The following MACROD2 variants were observed in gnomAD, a reference collection of about 807,000 sequenced individuals.
The protein encoded by MACROD2 is mono-ADP ribosylhydrolase 2, also known as ADP-ribose glycohydrolase MACROD2.
In MACROD2, 36 loss-of-function variants were observed where a neutral mutation model predicts 70.4. That is an observed-to-expected ratio of 0.51 (90% CI 0.39 to 0.68). The LOEUF (loss-of-function observed/expected upper bound fraction) is 0.68. Among genes scored for constraint, MACROD2 ranks in the 30% least tolerant of loss-of-function variants. MACROD2 has a pLI of 0.00. For missense variants in MACROD2, 496 were observed against 538.4 expected, an observed-to-expected ratio of 0.92 and a Z score of 0.78; for synonymous variants, 172 against 178.8, an observed-to-expected ratio of 0.96 and a Z score of 0.30.
chr20:14,274,447 C>T (rs542224785), intron 3 of MACROD2, among the ~76,000 whole-genome samples: 5 of 152,180 alleles, frequency 3.3e-5, no homozygotes, highest in East Asian at 1.9e-4. Context: ...ATTCAACAAC[C>T]CTTCATGCTA....
intron 6 of MACROD2, among the ~76,000 whole-genome samples, chr20:15,387,628 T>C (rs1451002769): frequency 6.6e-6 from 1 of 151,940 alleles, no homozygotes; most frequent in Admixed American, 6.6e-5. Flanking sequence ...CACCAGGTCC[T>C]GGAGTTACAA....
chr20:15,657,629 T>C (rs1478799880), intron 8 of MACROD2, among the ~76,000 whole-genome samples: 1 of 152,204 alleles, frequency 6.6e-6, no homozygotes, highest in Admixed American at 6.5e-5. Context: ...TTAAATGGGC[T>C]ACAGAAAAAT....
chr20:14,135,424 T>C (rs1033313827), intron 3 of MACROD2, among the ~76,000 whole-genome samples: 2 of 152,188 alleles, frequency 1.3e-5, no homozygotes, highest in Non-Finnish European at 2.9e-5. Flanking sequence ...TCACAGTGCT[T>C]TGGAAGATTC....
chr20:14,832,644 C>A (rs995454656), intron 5 of MACROD2, among the ~76,000 whole-genome samples: 2 of 152,144 alleles, frequency 1.3e-5, no homozygotes, highest in South Asian at 2.1e-4. Flanking sequence ...TAAATACATA[C>A]AATTTAATTG....
intron 4 of MACROD2, among the ~76,000 whole-genome samples, chr20:14,649,428 G>A (rs566289594): frequency 7.2e-4 from 110 of 152,262 alleles, no homozygotes; most frequent in African/African-American, 2.6e-3. Context: ...GAGCATCTCC[G>A]TTGCTTATAG....
At chr20:14,378,707 T>C (rs2083395555) in intron 3 of MACROD2, among the ~76,000 whole-genome samples, 1 of 151,174 alleles carries the variant, frequency 6.6e-6, no homozygotes, top group African/African-American at 2.4e-5. Flanking sequence ...TGAAGGAGTT[T>C]GTGGTGGTTT....
chr20:14,454,814 G>T (rs2084282632), intron 3 of MACROD2, among the ~76,000 whole-genome samples: 1 of 141,174 alleles, frequency 7.1e-6, no homozygotes. Context: ...GTGCAGTGGT[G>T]AGATCTCTGC....
chr20:14,555,126 G>T (rs1309619695), intron 4 of MACROD2, among the ~76,000 whole-genome samples: 3 of 151,942 alleles, frequency 2.0e-5, no homozygotes, highest in African/African-American at 4.8e-5. Flanking sequence ...TTGGGTTAGG[G>T]TTTGTAACAC....
At chr20:15,962,972 G>T (rs775635056) in intron 12 of MACROD2, among the ~76,000 whole-genome samples, 1 of 152,158 alleles carries the variant, frequency 6.6e-6, no homozygotes, top group Non-Finnish European at 1.5e-5. Context: ...AAGAGTAGCC[G>T]CTGCAAAGTT....
At chr20:14,172,974 A>G (rs938243988) in intron 3 of MACROD2, among the ~76,000 whole-genome samples, 4 of 152,178 alleles carry the variant, frequency 2.6e-5, no homozygotes, top group South Asian at 2.1e-4. Flanking sequence ...TAGGACCCCA[A>G]TCACTTCTAG....
At chr20:14,853,154 A>C (rs396868) in intron 5 of MACROD2, among the ~76,000 whole-genome samples, 86,679 of 149,468 alleles carry the variant, frequency 0.58, 26,055 homozygotes, top group Non-Finnish European at 0.68. Context: ...TGAGGTGTGA[A>C]CAGTGTGTGT....
At chr20:15,177,858 TA>T (rs2076473601) in intron 5 of MACROD2, among the ~76,000 whole-genome samples, 1 of 152,092 alleles carries the variant, frequency 6.6e-6, no homozygotes, top group Non-Finnish European at 1.5e-5. Flanking sequence ...TTTAAGAGTA[TA>T]GAAATTAAAG....
At chr20:15,216,799 G>C (rs2076814487) in intron 5 of MACROD2, among the ~76,000 whole-genome samples, 3 of 152,080 alleles carry the variant, frequency 2.0e-5, no homozygotes, top group Admixed American at 2.0e-4. Flanking sequence ...CCGTGAAACT[G>C]CTCCTCACAT....
At chr20:15,883,056 A>C (rs1160200768) in intron 9 of MACROD2, among the ~76,000 whole-genome samples, 1 of 151,638 alleles carries the variant, frequency 6.6e-6, no homozygotes, top group African/African-American at 2.4e-5. Flanking sequence ...CAAACAAAAC[A>C]AAAAAAACTG....
chr20:15,107,938 C>A (rs78526672), intron 5 of MACROD2, among the ~76,000 whole-genome samples: 2 of 150,726 alleles, frequency 1.3e-5, no homozygotes, highest in Non-Finnish European at 2.9e-5. Context: ...TCAGAAACAG[C>A]GGTGAGTTAA....
chr20:15,937,338 G>A, intron 11 of MACROD2, 138 bp from the exon 12 acceptor site: 2 of 704,226 alleles, frequency 2.8e-6, no homozygotes, highest in East Asian at 5.3e-5. Flanking sequence ...CCCCTTCAAA[G>A]AGCATTCAGT....
intron 4 of MACROD2, among the ~76,000 whole-genome samples, chr20:14,536,626 G>GAT (rs1555800375): frequency 7.2e-6 from 1 of 139,068 alleles, no homozygotes; most frequent in Non-Finnish European, 1.6e-5. Flanking sequence ...AGGTAACATT[G>GAT]GTGTGTGTGT....
intron 3 of MACROD2, among the ~76,000 whole-genome samples, chr20:14,434,145 G>A (rs905151338): frequency 6.6e-6 from 1 of 152,128 alleles, no homozygotes; most frequent in African/African-American, 2.4e-5. Flanking sequence ...TGACTTAGCT[G>A]AAAGATATGA....
intron 2 of MACROD2, among the ~76,000 whole-genome samples, chr20:14,003,321 C>T (rs1418777376): frequency 6.6e-6 from 1 of 152,126 alleles, no homozygotes; most frequent in Non-Finnish European, 1.5e-5. Flanking sequence ...GGGTTTTAGA[C>T]ACAACTTTGT....
Sources: gnomAD v4.1 joint callset for allele counts (sites outside exome capture counted in the v4.1 genomes callset) on GRCh38, gnomAD v4.1.1 for gene constraint, MANE v1.5 for transcripts, NCBI Gene and HGNC (gene_info 2026-07-23, HGNC 2026-07-21) for gene names.